Variants in SND1 observed in about 807,000 individuals in gnomAD.
SND1 encodes the protein staphylococcal nuclease domain-containing protein 1.
In SND1, 38 loss-of-function variants were observed where a neutral mutation model predicts 121.7. The observed-to-expected ratio is 0.31, with a 90% confidence interval of 0.24 to 0.41. The LOEUF (loss-of-function observed/expected upper bound fraction) is 0.41, where lower values mean the gene tolerates loss of function less well. Among genes scored for constraint, SND1 ranks in the 10% least tolerant of loss-of-function variants. SND1 has a pLI of 1.00. For synonymous variants in SND1, 401 were observed against 447.4 expected (o/e 0.90, Z 1.31); for missense variants, 868 against 1,184.6 (o/e 0.73, Z 3.92).
At chr7:127,683,046 C>A (rs1211272093) in intron 1 of SND1, among the ~76,000 whole-genome samples, 1 of 152,104 alleles carries the variant, frequency 6.6e-6, no homozygotes, top group Non-Finnish European at 1.5e-5. Flanking sequence ...GAAGGTATTT[C>A]TCATTGGTTT....
chr7:127,853,413 T>C (rs1799211137), intron 12 of SND1, among the ~76,000 whole-genome samples: 4 of 152,218 alleles, frequency 2.6e-5, no homozygotes, highest in Admixed American at 6.5e-5. Context: ...GTGACTATTT[T>C]GTGGCTTTGA....
At chr7:127,693,156 T>A (rs1242279590) in intron 2 of SND1, among the ~76,000 whole-genome samples, 1 of 152,200 alleles carries the variant, frequency 6.6e-6, no homozygotes, top group Non-Finnish European at 1.5e-5. Flanking sequence ...GTAATAAAAA[T>A]TTGGGACGCT....
At chr7:127,719,587 C>A (rs184308429) in intron 9 of SND1, among the ~76,000 whole-genome samples, 5 of 152,140 alleles carry the variant, frequency 3.3e-5, no homozygotes, top group Non-Finnish European at 7.4e-5. Flanking sequence ...ATTCTCAGAT[C>A]TGTCAAAAAG....
At chr7:127,839,890 T>C (rs1798932172) in intron 11 of SND1, among the ~76,000 whole-genome samples, 1 of 152,168 alleles carries the variant, frequency 6.6e-6, no homozygotes, top group African/African-American at 2.4e-5. Flanking sequence ...CAGTTCCTCC[T>C]CCCTATCCTC....
At chr7:127,905,778 A>G (rs1401768609) in intron 14 of SND1, among the ~76,000 whole-genome samples, 2 of 152,176 alleles carry the variant, frequency 1.3e-5, no homozygotes, top group Non-Finnish European at 2.9e-5. Context: ...CATAGGGAAG[A>G]TGCCCAGGGG....
At chr7:127,797,231 C>T (rs973598883) in intron 10 of SND1, among the ~76,000 whole-genome samples, 8 of 152,134 alleles carry the variant, frequency 5.3e-5, no homozygotes, top group African/African-American at 1.9e-4. Flanking sequence ...AGGCAAGCCA[C>T]CAAGTAGGAG....
At chr7:127,844,451 A>G (rs780392987) in intron 12 of SND1, 27 bp downstream of exon 12, 20 of 1,561,586 alleles carry the variant, frequency 1.3e-5, no homozygotes, top group Admixed American at 1.7e-5. Context: ...GCATGGACTC[A>G]GCTGTCATCT....
chr7:127,946,705 T>C (rs1323587539), intron 15 of SND1, among the ~76,000 whole-genome samples: 3 of 152,236 alleles, frequency 2.0e-5, no homozygotes, highest in Non-Finnish European at 4.4e-5. Context: ...TTTCACAGAA[T>C]GGCATGACTA....
intron 11 of SND1, among the ~76,000 whole-genome samples, chr7:127,828,027 C>T (rs1323884945): frequency 6.6e-6 from 1 of 152,012 alleles, no homozygotes; most frequent in African/African-American, 2.4e-5. Flanking sequence ...TTGAGGCAGT[C>T]TCGCTGTTGC....
intron 16 of SND1, chr7:127,998,308 A>G (rs1802726449): frequency 4.2e-6 from 1 of 239,106 alleles, no homozygotes; most frequent in South Asian, 5.7e-5. Flanking sequence ...AAAAGTCCAT[A>G]GCCAAAACCT....
chr7:127,713,194 A>C (rs558084510), intron 9 of SND1, among the ~76,000 whole-genome samples: 1 of 152,390 alleles, frequency 6.6e-6, no homozygotes, highest in Non-Finnish European at 1.5e-5. Context: ...GACAGTGTGT[A>C]AATGAATGGT....
At chr7:127,884,895 C>T (rs1584640734) in intron 12 of SND1, among the ~76,000 whole-genome samples, 1 of 152,240 alleles carries the variant, frequency 6.6e-6, no homozygotes, top group East Asian at 1.9e-4. Flanking sequence ...CAGTGAGAAA[C>T]CTGGCTTATC....
In SND1 at chr7:127,821,717, T is replaced by TA. The variant is rs11297859; in HGVS notation, c.1242+14154dup. Among the ~76,000 whole-genome samples the TA allele has an allele frequency of 1.9e-3, 283 of 151,506 alleles. 1 individual carries two copies. The highest frequency in any genetic ancestry group is 5.6e-3 in the South Asian group (27 of 4,806). On this transcript the variant is annotated intron_variant, in intron 11 of 23. Transcript: ENST00000354725. ...AAAAATAGATGTAGAAAGGATGTGT[T>TA]AAAAAAAAAATAGCTGCGTAGAAAG... is the stretch of plus-strand genomic sequence containing the variant.
intron 11 of SND1, among the ~76,000 whole-genome samples, chr7:127,838,883 A>G (rs1450208521): frequency 6.6e-6 from 1 of 152,252 alleles, no homozygotes; most frequent in African/African-American, 2.4e-5. Flanking sequence ...GAAAATTAGT[A>G]CATGTTTATC....
chr7:127,945,157 G>T (rs1263811704), intron 15 of SND1, among the ~76,000 whole-genome samples: 1 of 152,306 alleles, frequency 6.6e-6, no homozygotes, highest in African/African-American at 2.4e-5. Context: ...TTGGATAAAT[G>T]AATGAGCACT....
intron 1 of SND1, among the ~76,000 whole-genome samples, chr7:127,656,995 A>G (rs867637894): frequency 1.3e-5 from 2 of 152,216 alleles, no homozygotes; most frequent in Non-Finnish European, 2.9e-5. Context: ...GTAAAGGAAC[A>G]CTAAGTTTTT....
At chr7:127,700,310 G>T (rs1796078864) in intron 4 of SND1, among the ~76,000 whole-genome samples, 1 of 152,258 alleles carries the variant, frequency 6.6e-6, no homozygotes, top group East Asian at 1.9e-4. Context: ...TGTGAATTTG[G>T]ATCCCTGAGG....
intron 1 of SND1, among the ~76,000 whole-genome samples, chr7:127,662,022 A>T (rs990211745): frequency 6.6e-6 from 1 of 152,058 alleles, no homozygotes; most frequent in Non-Finnish European, 1.5e-5. Flanking sequence ...AGGCTGAGGG[A>T]TGAGAATCTC....
At chr7:127,817,905 T>C (rs1798477197) in intron 11 of SND1, among the ~76,000 whole-genome samples, 1 of 152,058 alleles carries the variant, frequency 6.6e-6, no homozygotes, top group South Asian at 2.1e-4. Flanking sequence ...TCTCTTGTCT[T>C]TTCATCAGCT....
Sources: allele counts gnomAD v4.1 joint callset (sites outside exome capture counted in the v4.1 genomes callset), GRCh38; gene constraint gnomAD v4.1.1; transcripts MANE v1.5; gene names NCBI Gene and HGNC (gene_info 2026-07-23, HGNC 2026-07-21).